The following SCOC variants were observed in gnomAD, a reference collection of about 807,000 sequenced individuals.
The protein encoded by SCOC is short coiled-coil protein.
SCOC carries 7 observed loss-of-function variants against 9.9 expected under a neutral mutation model. The observed-to-expected ratio is 0.71, with a 90% CI of 0.40 to 1.33. The LOEUF (loss-of-function observed/expected upper bound fraction) is 1.33. Among genes scored for constraint, SCOC ranks in the 40% most tolerant of loss-of-function variants. The probability of loss-of-function intolerance (pLI) is 0.01; values close to 1 mark genes in which losing one functional copy is unlikely to be tolerated. For missense variants in SCOC, 66 were observed against 89.7 expected, an observed-to-expected ratio of 0.74 and a Z score of 1.07; for synonymous variants, 19 against 28.2, an observed-to-expected ratio of 0.67 and a Z score of 1.03.
At chr4:140,353,482 C>T (rs1727070170) in intron 2 of SCOC, among the ~76,000 whole-genome samples, 1 of 151,004 alleles carries the variant, frequency 6.6e-6, no homozygotes, top group South Asian at 2.1e-4. Flanking sequence ...ATGATCTTGA[C>T]TCACTGCAAC....
At chr4:140,289,975 G>C (rs1731418836) in intron 1 of SCOC, among the ~76,000 whole-genome samples, 1 of 152,192 alleles carries the variant, frequency 6.6e-6, no homozygotes, top group Admixed American at 6.5e-5. Context: ...AATGCTTAAT[G>C]CTATATGTCC....
chr4:140,368,798 G>C (rs1428745061), upstream of SCOC, among the ~76,000 whole-genome samples: 3 of 152,092 alleles, frequency 2.0e-5, no homozygotes, highest in Non-Finnish European at 4.4e-5. Context: ...GGTGAACATA[G>C]AGTAGCTACC....
upstream of SCOC, among the ~76,000 whole-genome samples, chr4:140,342,071 C>A (rs1726537989): frequency 6.6e-6 from 1 of 152,246 alleles, no homozygotes; most frequent in African/African-American, 2.4e-5. Context: ...TCTTAGAGGA[C>A]TTGAACTAAC....
chr4:140,298,025 C>T (rs544235567), intron 1 of SCOC, among the ~76,000 whole-genome samples: 5 of 152,290 alleles, frequency 3.3e-5, no homozygotes, highest in African/African-American at 1.2e-4. Flanking sequence ...CTTATCTCCC[C>T]AGCCTCCCCC....
chr4:140,266,125 C>T (rs191913817), intron 1 of SCOC, among the ~76,000 whole-genome samples: 6 of 152,232 alleles, frequency 3.9e-5, no homozygotes, highest in East Asian at 3.9e-4. Context: ...GGAGGGAGAG[C>T]GTCTATTTAC....
intron 1 of SCOC, among the ~76,000 whole-genome samples, chr4:140,275,563 T>C (rs1379400340): frequency 6.6e-6 from 1 of 152,234 alleles, no homozygotes; most frequent in Non-Finnish European, 1.5e-5. Context: ...TAAGCAGTTG[T>C]TGCATATTTT....
At chr4:140,373,410 G>T (rs991563871), upstream of SCOC, 23 of 1,479,244 alleles carry the variant, frequency 1.6e-5, no homozygotes, top group African/African-American at 2.4e-4. Flanking sequence ...TACTGTCATT[G>T]GCTGTCGCTG....
intron 2 of SCOC, chr4:140,366,430 C>T (rs555771101): frequency 2.9e-5 from 42 of 1,431,166 alleles, no homozygotes; most frequent in East Asian, 6.8e-5. Flanking sequence ...TAGCACGCTT[C>T]GCAGCAGGTG....
intron 1 of SCOC, among the ~76,000 whole-genome samples, chr4:140,318,923 G>A (rs985717947): frequency 1.3e-5 from 2 of 152,044 alleles, no homozygotes; most frequent in African/African-American, 4.8e-5. Flanking sequence ...CTATTCCAAG[G>A]CCTCCCTTCA....
chr4:140,330,213 T>A (rs79228663), intron 1 of SCOC, among the ~76,000 whole-genome samples: 9,724 of 152,100 alleles, frequency 0.064, 1,006 homozygotes, highest in African/African-American at 0.22. Context: ...AAAACAAACA[T>A]CCTATGTTCT....
chr4:140,261,447 C>A (rs974086713), intron 1 of SCOC, among the ~76,000 whole-genome samples: 3 of 152,222 alleles, frequency 2.0e-5, no homozygotes, highest in Admixed American at 6.5e-5. Flanking sequence ...TGCTCCCTTC[C>A]CATACCCCAG....
At chr4:140,312,650 C>T (rs2126469475) in intron 1 of SCOC, among the ~76,000 whole-genome samples, 1 of 152,300 alleles carries the variant, frequency 6.6e-6, no homozygotes, top group East Asian at 1.9e-4. Context: ...AAGCTGGTCT[C>T]AAGCTCCTGA....
At chr4:140,348,146 AT>A (rs11348877) in intron 2 of SCOC, among the ~76,000 whole-genome samples, 35,494 of 151,768 alleles carry the variant, frequency 0.23, 4,989 homozygotes, top group African/African-American at 0.39. Flanking sequence ...TCACATAGTT[AT>A]TTTTTTTAGT....
intron 2 of SCOC, among the ~76,000 whole-genome samples, chr4:140,355,923 A>G (rs1488273329): frequency 6.6e-6 from 1 of 152,250 alleles, no homozygotes; most frequent in Non-Finnish European, 1.5e-5. Context: ...GATTAATACT[A>G]GAGTTTTTCT....
At chr4:140,280,519 C>T (rs1731074952) in intron 1 of SCOC, among the ~76,000 whole-genome samples, 1 of 152,166 alleles carries the variant, frequency 6.6e-6, no homozygotes, top group Non-Finnish European at 1.5e-5. Flanking sequence ...TTATGCTTCT[C>T]TCTCCCTTTA....
In SCOC at chr4:140,384,137, A is replaced by G. The variant is rs571854290; in HGVS notation, c.*3033A>G. The G allele has an allele frequency of 6.6e-6, 1 of 152,266 alleles. No homozygotes were observed. The highest frequency in any genetic ancestry group is 2.4e-5 in the African/African-American group (1 of 41,558). The allele number at this position is 152,266 out of a possible 1,614,324, so 9.4% of individuals were successfully genotyped here. A position where few individuals can be genotyped will look rare whatever the true frequency, so the allele number is the denominator to read the frequency against. ...CTTCTATCTTTGCTTGAAAATGTCA[A>G]TTTTTTTGATACCTTGCTGAAAGCA... On this transcript the variant is annotated 3_prime_UTR_variant, in exon 4 of 4. Coordinates refer to ENST00000608372, the MANE Select transcript of SCOC (RefSeq NM_001153484.2).
intron 1 of SCOC, chr4:140,293,213 AC>A (rs1418575723): frequency 1.4e-5 from 6 of 429,706 alleles, no homozygotes; most frequent in Non-Finnish European, 2.8e-5. Context: ...GAAATCTTAA[AC>A]AACTGGGCTG....
At chr4:140,379,220 A>G (rs374797498) in intron 2 of SCOC, 28 bp downstream of exon 2, 36 of 1,446,486 alleles carry the variant, frequency 2.5e-5, no homozygotes, top group Admixed American at 3.4e-5. Flanking sequence ...TTTTTTGTAT[A>G]CTCCTGGTTT....
intron 1 of SCOC, among the ~76,000 whole-genome samples, chr4:140,287,515 C>T (rs1464892237): frequency 3.3e-5 from 5 of 151,170 alleles, no homozygotes; most frequent in African/African-American, 1.2e-4. Context: ...ATCTACCATA[C>T]ACCACACATA....
Sources: gnomAD v4.1 joint callset for allele counts (sites outside exome capture counted in the v4.1 genomes callset) on GRCh38, gnomAD v4.1.1 for gene constraint, MANE v1.5 for transcripts, NCBI Gene and HGNC (gene_info 2026-07-23, HGNC 2026-07-21) for gene names.